Variants in EML1 observed in about 807,000 individuals in gnomAD.
EML1 encodes the protein echinoderm microtubule-associated protein-like 1.
Under a neutral mutation model 110.4 loss-of-function variants are expected in EML1, and 27 were observed. The observed-to-expected ratio is 0.24, with a 90% CI of 0.18 to 0.34. EML1 has a LOEUF of 0.34. Ranked by LOEUF, EML1 falls within the 10% of genes least tolerant of loss-of-function variation. The pLI is 1.00. For missense variants in EML1, 741 were observed against 1,030.9 expected, an observed-to-expected ratio of 0.72 and a Z score of 3.85; for synonymous variants, 344 against 385.8, an observed-to-expected ratio of 0.89 and a Z score of 1.27.
At position 99,936,956 on chromosome 14, in the gene EML1, A is replaced by G. The variant is rs1043770150; in HGVS notation, c.2095+622A>G. 6.6e-6 allele frequency among the ~76,000 whole-genome samples: 1 copy of G among 152,230 alleles called. No homozygotes were observed. Among genetic ancestry groups the G allele is most frequent in the African/African-American group, 2.4e-5 (1 of 41,476 alleles). On this transcript the variant is annotated intron_variant, in intron 19 of 21. Coordinates refer to ENST00000262233, the MANE Select transcript of EML1 (RefSeq NM_004434.3). This position sits in a 1 kb window ranked among gnomAD's most constrained non-coding sequence, Gnocchi z 5.5. ...GCAGGGCGGCGCGTGGGCACAAGGA[A>G]GGCCTCGCTGCTCCCCTGCTGGAAG...
intron 1 of EML1, among the ~76,000 whole-genome samples, chr14:99,762,251 C>CA (rs1318755000): frequency 1.3e-5 from 2 of 151,754 alleles, no homozygotes; most frequent in Admixed American, 6.6e-5. Context: ...TCATAAACTT[C>CA]AAAAAAAATT....
rs1343908656 is a variant in EML1 at position 99,939,478 on chromosome 14, C to A, written c.2322+151C>A. 7.7e-7 allele frequency: 1 copy of A among 1,306,446 alleles called. No individual in the cohort carries two copies. The highest frequency in any genetic ancestry group is 1.0e-6 in the Non-Finnish European group (1 of 967,770). The allele number at this position is 1,306,446 out of a possible 1,614,324, so 80.9% of individuals were successfully genotyped here. A position where few individuals can be genotyped will look rare whatever the true frequency, so the allele number is the denominator to read the frequency against. ...CTGTTCTTTGCGCCCTGAGCACTTC[C>A]AGCCGCCCTTAGGGAAACCCCAAGC... On this transcript the variant is annotated intron_variant, in intron 21 of 21. Coordinates refer to ENST00000262233, the MANE Select transcript of EML1 (RefSeq NM_004434.3). The surrounding 1 kb of genome is among the most constrained non-coding windows in gnomAD (Gnocchi z 4.2).
At chr14:99,853,101 TTTG>T (rs2058839839) in intron 2 of EML1, among the ~76,000 whole-genome samples, 1 of 152,144 alleles carries the variant, frequency 6.6e-6, no homozygotes, top group Non-Finnish European at 1.5e-5. Flanking sequence ...GCCCAAGAGT[TTTG>T]TTTTCTTGAT....
rs557684467 is a variant in EML1 at position 99,738,518 on chromosome 14, C to T, written c.28+658C>T. 2.3e-4 allele frequency among the ~76,000 whole-genome samples: 35 copies of T among 152,278 alleles called. No individual in the cohort carries two copies. In the East Asian group the frequency reaches 6.6e-3, roughly 29 times the overall value. The stretch of plus-strand genomic sequence containing the variant: ...CTGCCAGTTACAGAGCCAGCCTTGG[C>T]GGAATGGGGGCTGGGGACGGCCAAA... On this transcript the variant is annotated intron_variant, in intron 1 of 10. Coordinates refer to the EML1 transcript ENST00000554479.
At chr14:99,746,747 G>A (rs1466790483) in intron 1 of EML1, among the ~76,000 whole-genome samples, 1 of 152,130 alleles carries the variant, frequency 6.6e-6, no homozygotes, top group East Asian at 1.9e-4. Context: ...TCTGCTGCTG[G>A]TGGATGCTTC....
At chr14:99,928,358 A>C (rs1470396719) in intron 17 of EML1, among the ~76,000 whole-genome samples, 1 of 151,616 alleles carries the variant, frequency 6.6e-6, no homozygotes, top group Non-Finnish European at 1.5e-5. Flanking sequence ...TTTTGACGTG[A>C]CCTCAGGAGC....
intron 1 of EML1, among the ~76,000 whole-genome samples, chr14:99,823,584 C>T (rs183584740): frequency 2.0e-5 from 3 of 152,212 alleles, no homozygotes; most frequent in Admixed American, 2.0e-4. Context: ...AGTGCTAGAA[C>T]GTGTTCATTC....
chr14:99,858,429 C>T (rs2058943845), intron 2 of EML1, among the ~76,000 whole-genome samples: 1 of 152,082 alleles, frequency 6.6e-6, no homozygotes, highest in African/African-American at 2.4e-5. Flanking sequence ...AGGTGATTCA[C>T]CCACCTCGGC....
chr14:99,799,750 C>G (rs1021988857), intron 1 of EML1, among the ~76,000 whole-genome samples: 25 of 152,250 alleles, frequency 1.6e-4, no homozygotes, highest in African/African-American at 6.0e-4. Context: ...TAGTGTAAAC[C>G]TTTTCACATA....
chr14:99,874,468 G>A (rs914978753), intron 3 of EML1, among the ~76,000 whole-genome samples: 3 of 152,014 alleles, frequency 2.0e-5, no homozygotes, highest in East Asian at 1.9e-4. Context: ...TTTTTCACTC[G>A]CCGTCCAGAG....
At position 99,936,147 on chromosome 14, in the gene EML1, T is replaced by G. The variant is rs1015230641; in HGVS notation, c.2007+21T>G. On this transcript the variant is annotated intron_variant, in intron 18 of 21. Coordinates refer to ENST00000262233, the MANE Select transcript of EML1 (RefSeq NM_004434.3). This position sits in a 1 kb window ranked among gnomAD's most constrained non-coding sequence, Gnocchi z 5.5. ...GCTCGGTAAGCGCTGACAGTGGACCTGTCGCTTCTCATGCACTGCGTATAG... is the reference window on the plus strand; with the variant it reads ...GCTCGGTAAGCGCTGACAGTGGACCGGTCGCTTCTCATGCACTGCGTATAG... The G allele has an allele frequency of 2.5e-6, 4 of 1,613,818 alleles. No homozygotes were observed. The highest frequency in any genetic ancestry group is 2.2e-5 in the South Asian group (2 of 91,086).
intron 4 of EML1, among the ~76,000 whole-genome samples, chr14:99,887,868 G>A (rs1347788305): frequency 6.6e-6 from 1 of 152,192 alleles, no homozygotes; most frequent in Non-Finnish European, 1.5e-5. Context: ...ACATCTGTGT[G>A]TTTGCCTTTC....
intron 9 of EML1, 153 bp from the exon 10 acceptor site, chr14:99,907,485 A>C (rs570971050): frequency 1.5e-6 from 1 of 675,552 alleles, no homozygotes; most frequent in East Asian, 2.7e-5. Flanking sequence ...AGAAAGAAAG[A>C]AAGAAAGCAG....
rs2060503517 is a variant in EML1, at chr14:99,937,852, G to C, written c.2131G>C (p.Glu711Gln). 2 of 1,614,134 alleles carry C rather than the reference G, an allele frequency of 1.2e-6. No individual in the cohort carries two copies. Among genetic ancestry groups the C allele is most frequent in the African/African-American group, 2.7e-5 (2 of 75,044 alleles). Residue 711 changes from glutamate to glutamine, a missense_variant, in exon 20 of 22, where the codon GAA (glutamate) becomes CAA (glutamine). Transcript: ENST00000262233. Reference protein sequence around the residue: ...PSACKQVVSVETTRDIEWATY... With the variant: ...PSACKQVVSVQTTRDIEWATY... The stretch of plus-strand genomic sequence containing the variant: ...TGCCTGTAAGCAAGTCGTAAGTGTG[G>C]AAACTACAAGAGACATTGAATGGGC...
intron 1 of EML1, among the ~76,000 whole-genome samples, chr14:99,847,347 TG>T (rs1462108236): frequency 6.6e-6 from 1 of 152,188 alleles, no homozygotes; most frequent in Non-Finnish European, 1.5e-5. Context: ...ATGTCTGTAC[TG>T]GTTTTTTGTT....
chr14:99,763,864 C>T (rs954821256), intron 1 of EML1, among the ~76,000 whole-genome samples: 1 of 152,204 alleles, frequency 6.6e-6, no homozygotes, highest in Non-Finnish European at 1.5e-5. Context: ...CCACCTCTGC[C>T]ATGCAAGGTG....
intron 16 of EML1, among the ~76,000 whole-genome samples, chr14:99,919,462 A>ACACC (rs2060094338): frequency 6.8e-6 from 1 of 147,672 alleles, no homozygotes; most frequent in Admixed American, 6.8e-5. Context: ...ACACACACAC[A>ACACC]CTCCACCTCC....
chr14:99,741,156 G>A (rs1036886119), intron 1 of EML1, among the ~76,000 whole-genome samples: 3 of 152,228 alleles, frequency 2.0e-5, no homozygotes, highest in African/African-American at 7.2e-5. Context: ...GTGAGCCTCT[G>A]TGACAGATGG....
intron 1 of EML1, among the ~76,000 whole-genome samples, chr14:99,762,739 C>CA (rs1454294850): frequency 1.3e-5 from 2 of 152,256 alleles, no homozygotes; most frequent in East Asian, 3.9e-4. Context: ...GTTGAGACTG[C>CA]AGTAAGCCAT....
Sources: gnomAD v4.1 joint callset for allele counts (sites outside exome capture counted in the v4.1 genomes callset) on GRCh38, gnomAD v4.1.1 for gene constraint, Gnocchi (gnomAD v3.1) non-coding constraint, MANE v1.5 for transcripts, NCBI Gene and HGNC (gene_info 2026-07-23, HGNC 2026-07-21) for gene names.